Variants in FBXO10 observed in about 807,000 individuals in gnomAD.
FBXO10 encodes the protein F-box protein 10.
In FBXO10, 39 loss-of-function variants were observed where a neutral mutation model predicts 80.7. The ratio of observed to expected loss-of-function variants is 0.48; its 90% confidence interval spans 0.37 to 0.63. FBXO10 has a LOEUF of 0.63. Ranked by LOEUF, FBXO10 falls within the 30% of genes least tolerant of loss-of-function variation. The pLI is 0.00. For synonymous variants in FBXO10, 449 were observed against 489.6 expected (o/e 0.92, Z 1.09); for missense variants, 1,025 against 1,269.0 (o/e 0.81, Z 2.92).
Position 37,541,483 on chromosome 9 carries a change from T to C in FBXO10, c.286A>G (p.Ile96Val). The C allele has an allele frequency of 6.2e-7, 1 of 1,614,018 alleles. No homozygotes were observed. The highest frequency in any genetic ancestry group is 8.5e-7 in the Non-Finnish European group (1 of 1,179,876). The change falls in exon 2 of 11, where the codon ATC becomes GTC. Residue 96 changes from isoleucine to valine, a missense_variant. Ile to Val is a conservative substitution (Grantham distance 29). Around this residue, in one of 3 missense-constraint regions of FBXO10, gnomAD observed 450 missense variants for 499.4 expected, o/e 0.90. Transcript: ENST00000432825. Reference sequence around the variant, plus strand: ...CTCCGGCGGAATAGAGAAAAGCAGATGGAAGACTCCAAGTCCAAGGCATTC... The same window carrying C: ...CTCCGGCGGAATAGAGAAAAGCAGACGGAAGACTCCAAGTCCAAGGCATTC... ...TKNALDLESS[I>V]CFSLFRRRRE...
rs756742066 is a variant in FBXO10 at position 37,512,716 on chromosome 9, T to A, written c.2702A>T (p.Asp901Val). 6.2e-7 allele frequency: 1 copy of A among 1,613,440 alleles called. No homozygotes were observed. Among genetic ancestry groups the A allele is most frequent in the South Asian group, 1.1e-5 (1 of 91,004 alleles). ...TGGTGGGTTCACCAGGCGCCACGTA[T>A]CAGACCTGGAGGTGCAAAACGAAAG... ...NKFLVFKKKS[D>V]TWRLVNPPAR... Residue 901 changes from aspartate to valine, a missense_variant, in exon 11 of 11, where the codon GAT becomes GTT. By Grantham distance (152) the Asp-to-Val change is radical. Around this residue, in one of 3 missense-constraint regions of FBXO10, gnomAD observed 97 missense variants for 101.8 expected, o/e 0.95. Coordinates refer to ENST00000432825, the MANE Select transcript of FBXO10 (RefSeq NM_012166.3).
chr9:37,515,442 T>C (rs10114827), intron 10 of FBXO10: 9,183 of 153,068 alleles, frequency 0.06, 716 homozygotes, highest in African/African-American at 0.18. Flanking sequence ...GAGTGGATGG[T>C]GATGTCGCTG....
In FBXO10 at chr9:37,533,957, G is replaced by T. The variant is rs1193762249; in HGVS notation, c.1420-1899C>A. On this transcript the variant is annotated intron_variant, in intron 3 of 10. Coordinates refer to ENST00000432825, the MANE Select transcript of FBXO10 (RefSeq NM_012166.3). Reference sequence around the variant, plus strand: ...TTTACATAGCATTTGCATCGTATTGGGTATTATAAGTAATCTAGAGATGAC... The same window carrying T: ...TTTACATAGCATTTGCATCGTATTGTGTATTATAAGTAATCTAGAGATGAC... Among the ~76,000 whole-genome samples, 3 of 151,974 alleles carry T rather than the reference G, an allele frequency of 2.0e-5. No individual in the cohort carries two copies. The East Asian group carries it at 5.8e-4, about 29-fold the overall frequency.
intron 1 of FBXO10, among the ~76,000 whole-genome samples, chr9:37,568,673 T>A (rs372759842): frequency 6.6e-6 from 1 of 152,110 alleles, no homozygotes. Context: ...GGAGTTCATG[T>A]GGTCTAAGGT....
intron 10 of FBXO10, 90 bp from the exon 11 acceptor site, chr9:37,512,811 C>T (rs12237351): frequency 0.32 from 434,400 of 1,356,810 alleles, 70,742 homozygotes; most frequent in Admixed American, 0.38. Context: ...GGTTCCAGAT[C>T]GGTGGATCCA....
At chr9:37,557,187 T>G (rs1293372296) in intron 1 of FBXO10, among the ~76,000 whole-genome samples, 1 of 152,212 alleles carries the variant, frequency 6.6e-6, no homozygotes, top group Non-Finnish European at 1.5e-5. Flanking sequence ...AAGTGATGAT[T>G]TATGATTACT....
At chr9:37,531,329 A>G (rs1821617207) in intron 4 of FBXO10, among the ~76,000 whole-genome samples, 2 of 152,176 alleles carry the variant, frequency 1.3e-5, no homozygotes, top group Non-Finnish European at 2.9e-5. Context: ...AAAACAAAAT[A>G]AAAAACCCCC....
chr9:37,535,558 G>A (rs372149388), intron 3 of FBXO10, among the ~76,000 whole-genome samples: 31 of 151,806 alleles, frequency 2.0e-4, no homozygotes, highest in African/African-American at 6.8e-4. Flanking sequence ...GGGTTTCACC[G>A]TGTTGCCCAG....
At chr9:37,519,817 T>C (rs192492960) in intron 8 of FBXO10, among the ~76,000 whole-genome samples, 1 of 151,846 alleles carries the variant, frequency 6.6e-6, no homozygotes, top group Admixed American at 6.6e-5. Flanking sequence ...GGAATCTCTT[T>C]TAATTTTATT....
At chr9:37,514,925 T>C (rs1821147268) in intron 10 of FBXO10, 1 of 152,170 alleles carries the variant, frequency 6.6e-6, no homozygotes, top group African/African-American at 2.4e-5. Flanking sequence ...ACAAAAAGTA[T>C]GGAGATCATT....
intron 1 of FBXO10, chr9:37,575,517 AT>A (rs1822870589): frequency 6.6e-6 from 1 of 152,162 alleles, no homozygotes. Flanking sequence ...CCATGAGCTT[AT>A]TACCTCCTTT....
At chr9:37,562,386 G>T (rs991421440) in intron 1 of FBXO10, among the ~76,000 whole-genome samples, 1 of 152,162 alleles carries the variant, frequency 6.6e-6, no homozygotes, top group Non-Finnish European at 1.5e-5. Context: ...GGGGCAGAGG[G>T]GACACAGGAA....
chr9:37,563,672 C>T (rs1822533910), intron 1 of FBXO10, among the ~76,000 whole-genome samples: 1 of 152,158 alleles, frequency 6.6e-6, no homozygotes, highest in South Asian at 2.1e-4. Context: ...AGCATTTTGT[C>T]CCTCCCCTAG....
chr9:37,531,899 C>A lies in FBXO10; in HGVS notation c.1569+10G>T. 1 of 1,612,788 alleles carries A rather than the reference C, an allele frequency of 6.2e-7. No homozygotes were observed. Among genetic ancestry groups the A allele is most frequent in the Non-Finnish European group, 8.5e-7 (1 of 1,178,978 alleles). ...AGAGTCACCCTGAATAGGGAACGAACACAAAGTACCAGTATGAGTGGGTTG... is the reference window on the plus strand; with the variant it reads ...AGAGTCACCCTGAATAGGGAACGAAAACAAAGTACCAGTATGAGTGGGTTG... On this transcript the variant is annotated intron_variant, in intron 4 of 10. Transcript: ENST00000432825.
intron 5 of FBXO10, among the ~76,000 whole-genome samples, chr9:37,527,331 C>CA (rs1464148034): frequency 1.3e-5 from 2 of 152,238 alleles, no homozygotes; most frequent in Non-Finnish European, 2.9e-5. Flanking sequence ...GGGACTAAGA[C>CA]ATGGACATCC....
In FBXO10 at chr9:37,522,808, G is replaced by A. The variant is rs1280544947; in HGVS notation, c.1930+17C>T. 1 of 1,551,402 alleles carries A rather than the reference G, an allele frequency of 6.4e-7. No homozygotes were observed. Among genetic ancestry groups the A allele is most frequent in the South Asian group, 1.2e-5 (1 of 83,994 alleles). ...GGCTTCCTGCCTCCCCGGCTGGGTT[G>A]GGAACAAGCTCCTCACCGTAGATGG... On this transcript the variant is annotated intron_variant, in intron 7 of 10. Transcript: ENST00000432825.
chr9:37,550,102 T>A lies in FBXO10; in HGVS notation c.-6-8328A>T, dbSNP rs978296275. 4.0e-5 allele frequency among the ~76,000 whole-genome samples: 6 copies of A among 151,420 alleles called. No homozygotes were observed. In the East Asian group the frequency reaches 7.8e-4, roughly 20 times the overall value. ...ACTATTTGGTTATCCAGTGGCACAG[T>A]ACATATAGGAAGAGCCAGCTTAATG... On this transcript the variant is annotated intron_variant, in intron 1 of 10. Transcript: ENST00000432825.
intron 3 of FBXO10, among the ~76,000 whole-genome samples, chr9:37,533,410 G>A (rs970019152): frequency 2.6e-5 from 4 of 151,748 alleles, no homozygotes; most frequent in Admixed American, 2.6e-4. Flanking sequence ...GCCAGGCATG[G>A]TGGCAGATGC....
intron 1 of FBXO10, among the ~76,000 whole-genome samples, chr9:37,548,400 A>G (rs1822111175): frequency 6.6e-6 from 1 of 152,174 alleles, no homozygotes; most frequent in African/African-American, 2.4e-5. Context: ...ATAAAAAATA[A>G]AAAAATAGAA....
Sources: allele counts gnomAD v4.1 joint callset (sites outside exome capture counted in the v4.1 genomes callset), GRCh38; gene constraint gnomAD v4.1.1; regional missense constraint gnomAD v4.1.1; transcripts MANE v1.5; gene names NCBI Gene and HGNC (gene_info 2026-07-23, HGNC 2026-07-21).